The following FGF13 variants were observed in gnomAD, a reference collection of about 807,000 sequenced individuals.
The protein encoded by FGF13 is fibroblast growth factor homologous factor 2.
A neutral mutation model predicts 19.5 loss-of-function variants in FGF13; 2 were observed. The ratio of observed to expected loss-of-function variants is 0.10; its 90% confidence interval spans 0.04 to 0.32. FGF13 has a LOEUF of 0.32. Ranked by LOEUF, FGF13 falls within the 10% of genes least tolerant of loss-of-function variation. The probability of loss-of-function intolerance (pLI) is 1.00; values close to 1 mark genes in which losing one functional copy is unlikely to be tolerated. For synonymous variants in FGF13, 72 were observed against 76.9 expected (o/e 0.94, Z 0.33); for missense variants, 113 against 192.7 (o/e 0.59, Z 2.45).
At chrX:138,715,101 CT>C (rs1403169820), upstream of FGF13, among the ~76,000 whole-genome samples, 2 of 112,038 alleles carry the variant, frequency 1.8e-5, no homozygotes, top group African/African-American at 6.5e-5. Context: ...AAGGTAGGGT[CT>C]ATTCTCCGTT....
At chrX:138,639,478 T>G (rs2089224674) in intron 3 of FGF13, among the ~76,000 whole-genome samples, 2 of 112,523 alleles carry the variant, frequency 1.8e-5, no homozygotes, top group Admixed American at 9.4e-5. Context: ...GAGAAATTAC[T>G]TGACATGAGT....
chrX:138,726,025 T>A (rs1002197093), intron 1 of FGF13, among the ~76,000 whole-genome samples: 1 of 111,087 alleles, frequency 9.0e-6, no homozygotes, highest in Non-Finnish European at 1.9e-5. Context: ...TCCTGCCAAC[T>A]CGTCTTAAAC....
chrX:138,934,479 A>G (rs935379626), intron 1 of FGF13, among the ~76,000 whole-genome samples: 1 of 112,654 alleles, frequency 8.9e-6, no homozygotes, highest in African/African-American at 3.2e-5. Flanking sequence ...ATCCTGCCTA[A>G]TAAGTCTGAA....
At chrX:139,130,229 G>T (rs1422230188) in intron 1 of FGF13, among the ~76,000 whole-genome samples, 1 of 111,736 alleles carries the variant, frequency 8.9e-6, no homozygotes, top group Admixed American at 9.6e-5. Context: ...AGGGAATATT[G>T]CATCTTTCTT....
chrX:138,802,905 T>C (rs1420319677), intron 3 of FGF13, among the ~76,000 whole-genome samples: 1 of 111,706 alleles, frequency 9.0e-6, no homozygotes, highest in Non-Finnish European at 1.9e-5. Context: ...AGACTCTTAA[T>C]ATTTGAAACA....
chrX:138,897,389 T>G (rs1195971775), intron 1 of FGF13, among the ~76,000 whole-genome samples: 1 of 111,430 alleles, frequency 9.0e-6, no homozygotes, highest in African/African-American at 3.3e-5. Flanking sequence ...CCTGGGACTC[T>G]ATTCAGCCTT....
chrX:139,003,038 C>A (rs933433879), intron 1 of FGF13, among the ~76,000 whole-genome samples: 8 of 112,394 alleles, frequency 7.1e-5, no homozygotes, highest in Non-Finnish European at 1.3e-4. Flanking sequence ...ACTTTAGGTA[C>A]CAGTGTGTCC....
At position 138,629,225 on chromosome X, in the gene FGF13, C is replaced by T. The variant is rs2089092595; in HGVS notation, c.*3625G>A. On this transcript the variant is annotated 3_prime_UTR_variant, in exon 5 of 5. Transcript: ENST00000315930. Reference sequence around the variant, plus strand: ...TCTACTGCAATGTTAATAGACGCTCCATGAAAATGTGGCTTTGTGGCCCAA... The same window carrying T: ...TCTACTGCAATGTTAATAGACGCTCTATGAAAATGTGGCTTTGTGGCCCAA... 8.9e-6 allele frequency: 1 copy of T among 112,375 alleles called. No homozygotes were observed. Among genetic ancestry groups the T allele is most frequent in the Non-Finnish European group, 1.9e-5 (1 of 53,266 alleles). 9.3% of individuals were successfully genotyped at this position (112,375 alleles called of 1,213,427 possible).
At chrX:139,090,450 T>C (rs2083432544) in intron 1 of FGF13, among the ~76,000 whole-genome samples, 1 of 111,903 alleles carries the variant, frequency 8.9e-6, no homozygotes, top group South Asian at 3.8e-4. Flanking sequence ...TTCAAACTCT[T>C]ATTTTAAATT....
chrX:138,761,384 C>A (rs891094654), intron 3 of FGF13, among the ~76,000 whole-genome samples: 13 of 111,236 alleles, frequency 1.2e-4, no homozygotes, highest in Admixed American at 8.6e-4. Context: ...GTACTGCTCT[C>A]CCGGAGCTCT....
chrX:139,153,482 G>A (rs960305578), intron 1 of FGF13, among the ~76,000 whole-genome samples: 37 of 110,739 alleles, frequency 3.3e-4, no homozygotes, highest in African/African-American at 1.2e-3. Context: ...GAAAGAAATG[G>A]GCTACAATTT....
intron 3 of FGF13, among the ~76,000 whole-genome samples, chrX:138,831,590 T>C (rs1185165872): frequency 8.9e-6 from 1 of 112,055 alleles, no homozygotes; most frequent in East Asian, 2.8e-4. Context: ...TCCTGCCTAT[T>C]TCTCCATTTT....
At chrX:139,052,250 A>G (rs999291061) in intron 1 of FGF13, among the ~76,000 whole-genome samples, 20 of 112,148 alleles carry the variant, frequency 1.8e-4, no homozygotes, top group Admixed American at 4.7e-4. Flanking sequence ...AAAAAATGGA[A>G]GTAAAAGATA....
At chrX:139,201,068 C>T (rs968682631) in intron 1 of FGF13, among the ~76,000 whole-genome samples, 19 of 112,292 alleles carry the variant, frequency 1.7e-4, no homozygotes, top group Admixed American at 9.4e-4. Flanking sequence ...CAAAAGGCGA[C>T]TGGCTGCACA....
chrX:139,133,022 T>A (rs1005794271), intron 1 of FGF13, among the ~76,000 whole-genome samples: 4 of 111,435 alleles, frequency 3.6e-5, no homozygotes, highest in African/African-American at 1.3e-4. Context: ...AAAAAAGGCT[T>A]CAGTGGTAAA....
chrX:139,197,086 C>A lies in FGF13; in HGVS notation c.-113+6330G>T, dbSNP rs756952094. Among the ~76,000 whole-genome samples, 17 of 112,110 alleles carry A rather than the reference C, an allele frequency of 1.5e-4. No homozygotes were observed. The East Asian group carries it at 4.8e-3, about 32-fold the overall frequency. On this transcript the variant is annotated intron_variant, in intron 1 of 2. Coordinates refer to the FGF13 transcript ENST00000421460. ...GAAAAAGTCTTTCTCTATCACAGTG[C>A]CTTCTGATATGACAACAAAACAGGA...
rs1162674246 is a variant in FGF13, at chrX:138,984,588, AAGGAGGAGG to A, written c.-112-119947_-112-119939del. Among the ~76,000 whole-genome samples the A allele has an allele frequency of 9.6e-4, 11 of 11,511 alleles. 1 individual carries two copies. The highest frequency in any genetic ancestry group is 2.5e-3 in the East Asian group (1 of 407). The allele number at this position is 11,511 out of a possible 115,157, so 10.0% of individuals were successfully genotyped here. On this transcript the variant is annotated intron_variant, in intron 1 of 2. Coordinates refer to the FGF13 transcript ENST00000421460. ...GAAGAAGAAGAAGAAGAAGAAGAAG[AAGGAGGAGG>A]AGGAGGAGGAGGAGGAGGATGAGGA...
chrX:138,828,050 G>C (rs1488617854), intron 3 of FGF13, among the ~76,000 whole-genome samples: 2 of 111,923 alleles, frequency 1.8e-5, no homozygotes, highest in East Asian at 5.6e-4. Context: ...AGGACCTTCA[G>C]AATATCATGT....
At chrX:138,905,492 AAT>A (rs2091552877) in intron 1 of FGF13, among the ~76,000 whole-genome samples, 2 of 111,839 alleles carry the variant, frequency 1.8e-5, no homozygotes, top group Middle Eastern at 9.3e-3. Context: ...CCCAGAAGGC[AAT>A]AAGACTCTAA....
Sources: allele counts gnomAD v4.1 joint callset (sites outside exome capture counted in the v4.1 genomes callset), GRCh38; gene constraint gnomAD v4.1.1; transcripts MANE v1.5; gene names NCBI Gene and HGNC (gene_info 2026-07-23, HGNC 2026-07-21).